The following UBXN2A variants were observed in gnomAD, a reference collection of about 807,000 sequenced individuals.
UBXN2A encodes the protein UBX domain protein 2A.
UBXN2A carries 28 observed loss-of-function variants against 28.4 expected under a neutral mutation model. The observed-to-expected ratio is 0.99, with a 90% CI of 0.73 to 1.35. The LOEUF is 1.35. UBXN2A is among the 40% of genes most tolerant of loss of function. The probability of loss-of-function intolerance (pLI) is 0.00; values close to 1 mark genes in which losing one functional copy is unlikely to be tolerated. For missense variants in UBXN2A, 253 were observed against 297.9 expected (o/e 0.85, Z 1.11); for synonymous variants, 97 against 103.6 (o/e 0.94, Z 0.39).
intron 1 of UBXN2A, among the ~76,000 whole-genome samples, chr2:23,935,010 G>A (rs970142961): frequency 1.3e-5 from 2 of 152,110 alleles, no homozygotes; most frequent in Admixed American, 1.3e-4. Context: ...GGGAGGCAGA[G>A]GTTGCAGTGA....
exon 1 of UBXN2A, chr2:23,927,607 TG>T: frequency 7.7e-6 from 1 of 129,502 alleles, no homozygotes; most frequent in South Asian, 2.9e-4. Context: ...GGGCGGTATC[TG>T]GAACTTGGTA....
chr2:23,941,160 TAA>T (rs1406151313), intron 1 of UBXN2A, among the ~76,000 whole-genome samples: 1 of 152,000 alleles, frequency 6.6e-6, no homozygotes. Context: ...CTGCCAGTAA[TAA>T]AAGAGTTTAT....
intron 2 of UBXN2A, among the ~76,000 whole-genome samples, chr2:23,962,714 T>C (rs1706987257): frequency 6.6e-6 from 1 of 151,034 alleles, no homozygotes; most frequent in Non-Finnish European, 1.5e-5. Context: ...CAAGCCATTC[T>C]CCTGCCTCAG....
At chr2:23,941,859 G>T (rs551810693) in intron 1 of UBXN2A, among the ~76,000 whole-genome samples, 3 of 152,240 alleles carry the variant, frequency 2.0e-5, no homozygotes, top group Non-Finnish European at 2.9e-5. Flanking sequence ...GATCACCTGA[G>T]GTCAGCAGTT....
intron 5 of UBXN2A, 112 bp from the exon 6 acceptor site, chr2:23,984,561 A>T (rs1443702818): frequency 1.2e-5 from 11 of 938,134 alleles, no homozygotes; most frequent in African/African-American, 5.2e-5. Flanking sequence ...CATATAACTT[A>T]AAAAATCTTC....
At chr2:23,965,175 C>G (rs560475475) in intron 2 of UBXN2A, among the ~76,000 whole-genome samples, 29 of 152,290 alleles carry the variant, frequency 1.9e-4, no homozygotes, top group Admixed American at 1.7e-3. Context: ...GCCACTGCAC[C>G]TGGCCTCCTT....
intron 3 of UBXN2A, 138 bp downstream of exon 3, chr2:23,971,552 G>C (rs1445480789): frequency 1.1e-6 from 1 of 950,756 alleles, no homozygotes; most frequent in Non-Finnish European, 1.4e-6. Context: ...GCAGTGGCTC[G>C]ATCTTAGCCC....
chr2:23,954,884 A>G (rs1234657351), intron 1 of UBXN2A, among the ~76,000 whole-genome samples: 1 of 148,894 alleles, frequency 6.7e-6, no homozygotes, highest in Non-Finnish European at 1.5e-5. Context: ...TCAGCCTCCC[A>G]AGTAGCTGGG....
At position 23,984,788 on chromosome 2, in the gene UBXN2A, G is replaced by C. The variant is rs1176177324; in HGVS notation, c.541G>C (p.Ala181Pro). 1.9e-6 allele frequency: 3 copies of C among 1,560,922 alleles called. No individual in the cohort carries two copies. Among genetic ancestry groups the C allele is most frequent in the Non-Finnish European group, 2.6e-6 (3 of 1,164,020 alleles). The part of the protein sequence containing the change: ...EPITNIQIWL[A>P]NGKRIVQKFN... ...CATTACTAATATACAGATCTGGTTG[G>C]CCAATGGAAAAAGGATTGTCCAGAA... Residue 181 changes from alanine (A) to proline (P), a missense_variant, in exon 6 of 7, where the codon GCC becomes CCC. Coordinates refer to ENST00000309033, the MANE Select transcript of UBXN2A (RefSeq NM_181713.4).
chr2:23,966,724 T>C (rs1482618818), intron 2 of UBXN2A, among the ~76,000 whole-genome samples: 1 of 150,726 alleles, frequency 6.6e-6, no homozygotes, highest in East Asian at 1.9e-4. Context: ...GTGCTAGGAT[T>C]ACAGGCGTGA....
chr2:23,985,919 G>A (rs565486719), intron 6 of UBXN2A, among the ~76,000 whole-genome samples: 1 of 152,088 alleles, frequency 6.6e-6, no homozygotes, highest in Non-Finnish European at 1.5e-5. Context: ...AGCCCAGGAG[G>A]TAGAGACTGC....
intron 1 of UBXN2A, among the ~76,000 whole-genome samples, chr2:23,948,042 A>T (rs1446092715): frequency 6.6e-6 from 1 of 151,638 alleles, no homozygotes; most frequent in Non-Finnish European, 1.5e-5. Context: ...TTTAATAGAG[A>T]CAGGGTTTCA....
intron 1 of UBXN2A, among the ~76,000 whole-genome samples, chr2:23,946,486 A>ATT (rs150762434): frequency 2.7e-5 from 4 of 150,082 alleles, no homozygotes; most frequent in South Asian, 2.1e-4. Context: ...ATACCTGGCT[A>ATT]TTTTTTTTTG....
chr2:23,948,113 C>T (rs923427388), intron 1 of UBXN2A, among the ~76,000 whole-genome samples: 1 of 152,076 alleles, frequency 6.6e-6, no homozygotes, highest in African/African-American at 2.4e-5. Context: ...CCTCAGCCTC[C>T]CAGAGTGCTG....
intron 3 of UBXN2A, among the ~76,000 whole-genome samples, chr2:23,974,985 A>G (rs1707594958): frequency 6.6e-6 from 1 of 152,054 alleles, no homozygotes; most frequent in Non-Finnish European, 1.5e-5. Flanking sequence ...TCAAAAAAAA[A>G]AAAAGAAAAG....
intron 1 of UBXN2A, among the ~76,000 whole-genome samples, chr2:23,946,887 A>ATT (rs34433205): frequency 2.6e-4 from 34 of 131,682 alleles, no homozygotes; most frequent in South Asian, 1.2e-3. Flanking sequence ...CAATTTATTA[A>ATT]TTTTTTTTTT....
chr2:23,984,676 C>T lies in UBXN2A; in HGVS notation c.429C>T (p.Ala143=). ...FSGQGHRLGS[A]TPKIVSKAKN... ...TTTGTTGTCTGGATTTCCTTAGTGCCACACCAAAAATTGTTTCTAAAGCAA... is the reference window on the plus strand; with the variant it reads ...TTTGTTGTCTGGATTTCCTTAGTGCTACACCAAAAATTGTTTCTAAAGCAA... The change falls in exon 6 of 7, where the codon GCC becomes GCT. Residue 143 remains alanine, a synonymous_variant. Coordinates refer to ENST00000309033, the MANE Select transcript of UBXN2A (RefSeq NM_181713.4). The T allele has an allele frequency of 1.3e-6, 2 of 1,512,388 alleles. No individual in the cohort carries two copies. Among genetic ancestry groups the T allele is most frequent in the East Asian group, 2.5e-5 (1 of 40,010 alleles). 93.7% of individuals were successfully genotyped at this position (1,512,388 alleles called of 1,614,324 possible).
chr2:23,965,796 T>G (rs1249802561), intron 2 of UBXN2A, among the ~76,000 whole-genome samples: 1 of 152,204 alleles, frequency 6.6e-6, no homozygotes, highest in East Asian at 1.9e-4. Flanking sequence ...CATCATTTCT[T>G]TCTTAAATGT....
At chr2:23,929,151 C>A (rs1005218498) in intron 1 of UBXN2A, among the ~76,000 whole-genome samples, 1 of 152,042 alleles carries the variant, frequency 6.6e-6, no homozygotes, top group African/African-American at 2.4e-5. Context: ...GAGACAGGGT[C>A]TCACTCTGTC....
Sources: allele counts gnomAD v4.1 joint callset (sites outside exome capture counted in the v4.1 genomes callset), GRCh38; gene constraint gnomAD v4.1.1; transcripts MANE v1.5; gene names NCBI Gene and HGNC (gene_info 2026-07-23, HGNC 2026-07-21).